The following AKAP19 variants were observed in gnomAD, a reference collection of about 807,000 sequenced individuals.
AKAP19 encodes the protein small A-kinase anchoring protein.
At chr2:190,048,578 T>C in the AKAP19 span, among the ~76,000 whole-genome samples, 1 of 152,316 alleles carries the variant, frequency 6.6e-6, no homozygotes, top group South Asian at 2.1e-4. Flanking sequence ...AACTAGTATA[T>C]ATCCATAATA....
chr2:189,925,250 G>C, the AKAP19 span, among the ~76,000 whole-genome samples: 1 of 152,108 alleles, frequency 6.6e-6, no homozygotes, highest in Non-Finnish European at 1.5e-5. Flanking sequence ...TCTGTGACCA[G>C]AGGCTCACAG....
the AKAP19 span, among the ~76,000 whole-genome samples, chr2:189,983,232 G>A: frequency 6.6e-6 from 1 of 152,052 alleles, no homozygotes; most frequent in Non-Finnish European, 1.5e-5. Context: ...TTGGATCCTG[G>A]CCACAGTGTT....
the AKAP19 span, among the ~76,000 whole-genome samples, chr2:190,085,077 G>A: frequency 3.3e-5 from 5 of 152,138 alleles, no homozygotes; most frequent in South Asian, 8.3e-4. Context: ...CAGACCACAT[G>A]GCATTATTGG....
chr2:190,029,897 A>G, the AKAP19 span, among the ~76,000 whole-genome samples: 1 of 152,132 alleles, frequency 6.6e-6, no homozygotes, highest in Non-Finnish European at 1.5e-5. Flanking sequence ...CCAAATGTTA[A>G]CAGTAGATGG....
chr2:190,010,157 G>A, the AKAP19 span, among the ~76,000 whole-genome samples: 5 of 152,120 alleles, frequency 3.3e-5, no homozygotes, highest in African/African-American at 1.2e-4. Context: ...GAGTATTTCT[G>A]GATCTATATT....
chr2:189,959,462 T>A, the AKAP19 span, among the ~76,000 whole-genome samples: 1 of 152,186 alleles, frequency 6.6e-6, no homozygotes, highest in Non-Finnish European at 1.5e-5. Flanking sequence ...TTTTTCAGAA[T>A]TATAGTGGTA....
chr2:190,164,471 A>G, the AKAP19 span, among the ~76,000 whole-genome samples: 1 of 152,208 alleles, frequency 6.6e-6, no homozygotes, highest in Admixed American at 6.5e-5. Flanking sequence ...TGGAGGTTGC[A>G]GTGAACTATG....
the AKAP19 span, among the ~76,000 whole-genome samples, chr2:189,928,734 C>T: frequency 6.6e-6 from 1 of 152,058 alleles, no homozygotes; most frequent in Non-Finnish European, 1.5e-5. Context: ...TACTAAATTC[C>T]TCTATATTGC....
At chr2:190,182,542 G>C in the AKAP19 span, among the ~76,000 whole-genome samples, 796 of 152,240 alleles carry the variant, frequency 5.2e-3, 6 homozygotes, top group Middle Eastern at 6.8e-3. Context: ...AAAGTACTTA[G>C]TAGAGGTGCC....
the AKAP19 span, among the ~76,000 whole-genome samples, chr2:189,983,054 G>A: frequency 6.6e-6 from 1 of 152,190 alleles, no homozygotes; most frequent in Non-Finnish European, 1.5e-5. Flanking sequence ...CACCCACCCT[G>A]ATTGGGGCTG....
the AKAP19 span, among the ~76,000 whole-genome samples, chr2:189,995,778 A>G: frequency 0.037 from 5,562 of 152,052 alleles, 351 homozygotes; most frequent in African/African-American, 0.13. Context: ...TTGTTTCAAG[A>G]TATAGAACTC....
chr2:190,020,113 G>A, the AKAP19 span, among the ~76,000 whole-genome samples: 1 of 152,146 alleles, frequency 6.6e-6, no homozygotes. Context: ...TATGTCGACT[G>A]TTAGCACCAA....
At chr2:190,195,130 G>A in the AKAP19 span, among the ~76,000 whole-genome samples, 1 of 152,080 alleles carries the variant, frequency 6.6e-6, no homozygotes, top group Non-Finnish European at 1.5e-5. Flanking sequence ...CCAAAGTGCT[G>A]GGATTGTAGG....
the AKAP19 span, among the ~76,000 whole-genome samples, chr2:189,918,630 A>G: frequency 6.6e-6 from 1 of 152,212 alleles, no homozygotes; most frequent in African/African-American, 2.4e-5. Flanking sequence ...CATAATTACC[A>G]TATAACCCAA....
chr2:189,983,947 GT>G, the AKAP19 span, among the ~76,000 whole-genome samples: 1,285 of 152,126 alleles, frequency 8.4e-3, 8 homozygotes, highest in African/African-American at 0.012. Context: ...AAACCAGCAA[GT>G]TTTTTTTAGG....
At chr2:190,170,298 G>A in the AKAP19 span, among the ~76,000 whole-genome samples, 1 of 152,204 alleles carries the variant, frequency 6.6e-6, no homozygotes, top group East Asian at 1.9e-4. Flanking sequence ...TGGGAGCAGG[G>A]GGGAACACAC....
chr2:190,148,084 C>T, the AKAP19 span, among the ~76,000 whole-genome samples: 1 of 152,090 alleles, frequency 6.6e-6, no homozygotes, highest in East Asian at 1.9e-4. Context: ...TGTCTTCTTC[C>T]AGTTCTCAGA....
At chr2:190,003,564 T>C in the AKAP19 span, among the ~76,000 whole-genome samples, 1 of 152,168 alleles carries the variant, frequency 6.6e-6, no homozygotes, top group Non-Finnish European at 1.5e-5. Context: ...TTAAAATTAA[T>C]ATAAAATTGT....
At chr2:189,988,282 C>G in the AKAP19 span, among the ~76,000 whole-genome samples, 1 of 152,098 alleles carries the variant, frequency 6.6e-6, no homozygotes, top group Non-Finnish European at 1.5e-5. Context: ...CAAAGAACCC[C>G]GTAAAACTTT....
Sources: allele counts gnomAD v4.1 joint callset (sites outside exome capture counted in the v4.1 genomes callset), GRCh38; gene constraint gnomAD v4.1.1; transcripts MANE v1.5; gene names NCBI Gene and HGNC (gene_info 2026-07-23, HGNC 2026-07-21).